MCM8: variants seen among roughly 807,000 people sequenced by gnomAD.
MCM8 encodes the protein minichromosome maintenance 8 homologous recombination repair factor.
Under a neutral mutation model 98.9 loss-of-function variants are expected in MCM8, and 85 were observed. The ratio of observed to expected loss-of-function variants is 0.86; its 90% CI spans 0.72 to 1.03. The LOEUF is 1.03. MCM8 is among the 50% of genes least tolerant of loss of function. The pLI, the probability that MCM8 is intolerant of heterozygous loss-of-function variation, is 0.00. For missense variants in MCM8, 951 were observed against 997.8 expected (o/e 0.95, Z 0.63); for synonymous variants, 352 against 338.6 (o/e 1.04, Z -0.44).
chr20:5,997,061 C>G lies in MCM8; in HGVS notation c.*2670C>G, dbSNP rs966236253. 2 of 152,406 alleles carry G rather than the reference C, an allele frequency of 1.3e-5. No homozygotes were observed. Among genetic ancestry groups the G allele is most frequent in the South Asian group, 2.1e-4 (1 of 4,832 alleles). The allele number at this position is 152,406 out of a possible 1,614,324, so 9.4% of individuals were successfully genotyped here. On this transcript the variant is annotated 3_prime_UTR_variant, in exon 19 of 19. Coordinates refer to ENST00000610722, the MANE Select transcript of MCM8 (RefSeq NM_032485.6). ...CCTCTTGGGAGATGAAAGTAATCTT[C>G]CATAGGCAATTGTTTCTGTGTCACC...
At chr20:5,978,081 T>C in intron 13 of MCM8, 64 bp downstream of exon 13, 1 of 1,571,154 alleles carries the variant, frequency 6.4e-7, no homozygotes, top group South Asian at 1.1e-5. Context: ...TCCTTTTCAG[T>C]TAATTTCTTT....
At chr20:5,955,274 CT>C (rs1215489945) in intron 5 of MCM8, 23 bp downstream of exon 5, 11 of 1,600,646 alleles carry the variant, frequency 6.9e-6, no homozygotes, top group Non-Finnish European at 8.5e-6. Flanking sequence ...CTTATGCATA[CT>C]TTTGTCTAAA....
At chr20:5,977,235 TG>T (rs2089530564) in intron 12 of MCM8, among the ~76,000 whole-genome samples, 1 of 152,244 alleles carries the variant, frequency 6.6e-6, no homozygotes, top group Non-Finnish European at 1.5e-5. Flanking sequence ...TGGGCACTTA[TG>T]TGCCAGGTAC....
intron 8 of MCM8, 107 bp downstream of exon 8, chr20:5,963,466 T>G: frequency 3.2e-6 from 2 of 625,530 alleles, no homozygotes; most frequent in South Asian, 4.1e-5. Context: ...AATGACAAAG[T>G]GTATAATAGT....
chr20:5,989,298 T>C (rs943470130), intron 17 of MCM8, among the ~76,000 whole-genome samples: 16 of 151,920 alleles, frequency 1.1e-4, no homozygotes, highest in African/African-American at 3.6e-4. Flanking sequence ...GTATTTTTAG[T>C]AGAGATGGGG....
At chr20:5,971,483 A>G (rs1016555281) in intron 10 of MCM8, among the ~76,000 whole-genome samples, 1 of 152,090 alleles carries the variant, frequency 6.6e-6, no homozygotes, top group Non-Finnish European at 1.5e-5. Flanking sequence ...GAGTTATCCC[A>G]CCTTTCTGGA....
chr20:5,963,202 T>G, intron 7 of MCM8, 72 bp from the exon 8 acceptor site: 1 of 1,158,848 alleles, frequency 8.6e-7, no homozygotes, highest in Non-Finnish European at 1.3e-6. Context: ...ATGAAATGTT[T>G]TAACTGAATT....
Position 5,967,840 on chromosome 20 carries a change from T to C in MCM8, c.1038T>C (p.Asn346=), listed in dbSNP as rs2089309701. The change falls in exon 10 of 19, where the codon AAT becomes AAC. Residue 346 remains asparagine, a synonymous_variant. Transcript: ENST00000610722. ...ACTTTTAATTTACAGGTTCTCGAAA[T>C]AAGAATGACAAGTGTATGTTCCTTT... ...KVSNAEEGSR[N]KNDKCMFLLY... The C allele has an allele frequency of 6.2e-7, 1 of 1,603,418 alleles. No homozygotes were observed. Among genetic ancestry groups the C allele is most frequent in the Non-Finnish European group, 8.5e-7 (1 of 1,175,764 alleles).
At chr20:5,990,241 A>G (rs1484864984) in intron 17 of MCM8, among the ~76,000 whole-genome samples, 5 of 151,934 alleles carry the variant, frequency 3.3e-5, no homozygotes, top group Non-Finnish European at 5.9e-5. Flanking sequence ...CGCCCAGCTA[A>G]TTTTTTTGTA....
Position 5,967,443 on chromosome 20 carries a change from G to T in MCM8, c.883G>T (p.Glu295Ter). ...ACTATTTAAACTTTTTAGAATCCAG[G>T]AATTGATGTCTGATGATCAGAGAGA... The part of the protein sequence containing the change: ...TMDWQSIKIQ[E>*]LMSDDQREAG... Residue 295 changes from glutamate (E) to a stop codon, truncating the protein, a stop_gained, in exon 9 of 19, where the codon GAA becomes TAA. Coordinates refer to ENST00000610722, the MANE Select transcript of MCM8 (RefSeq NM_032485.6). LOFTEE classifies it high-confidence loss of function. 6.2e-7 allele frequency: 1 copy of T among 1,612,488 alleles called. No homozygotes were observed. The highest frequency in any genetic ancestry group is 1.1e-5 in the South Asian group (1 of 90,694).
At chr20:5,971,100 G>GA (rs2089392273) in intron 10 of MCM8, among the ~76,000 whole-genome samples, 1 of 152,098 alleles carries the variant, frequency 6.6e-6, no homozygotes, top group Non-Finnish European at 1.5e-5. Flanking sequence ...TTACAGGCAT[G>GA]AACCTGTAAA....
chr20:5,963,436 T>C (rs564593837), intron 8 of MCM8, 77 bp downstream of exon 8: 1 of 1,034,600 alleles, frequency 9.7e-7, no homozygotes, highest in East Asian at 2.4e-5. Flanking sequence ...TTTACTGTAT[T>C]ATATTGTACG....
chr20:5,963,886 AT>A (rs1211542585), intron 8 of MCM8, among the ~76,000 whole-genome samples: 1 of 152,224 alleles, frequency 6.6e-6, no homozygotes, highest in Admixed American at 6.5e-5. Context: ...GAAAGGATTC[AT>A]TATGCAAATA....
chr20:5,975,128 G>A (rs1342242930), intron 12 of MCM8, among the ~76,000 whole-genome samples: 12 of 152,248 alleles, frequency 7.9e-5, no homozygotes, highest in East Asian at 7.7e-4. Flanking sequence ...GCATGGTGGC[G>A]CACACCTGTA....
rs58310169 is a variant in MCM8 at position 5,957,364 on chromosome 20, A to G, written c.590+135A>G. 1.0e-2 allele frequency: 5,692 copies of G among 571,114 alleles called. 167 individuals are homozygous for G. Among genetic ancestry groups the G allele is most frequent in the African/African-American group, 0.075 (3,968 of 52,566 alleles). The allele number at this position is 571,114 out of a possible 1,614,324, so 35.4% of individuals were successfully genotyped here. The stretch of plus-strand genomic sequence containing the variant: ...GTTCCTTGCCATCTCATTGATCATC[A>G]CACTGAAATAAACTCATTGAAAATT... On this transcript the variant is annotated intron_variant, in intron 6 of 18. Coordinates refer to ENST00000610722, the MANE Select transcript of MCM8 (RefSeq NM_032485.6).
intron 16 of MCM8, 69 bp from the exon 17 acceptor site, chr20:5,987,213 T>G: frequency 6.9e-7 from 1 of 1,449,346 alleles, no homozygotes; most frequent in African/African-American, 1.4e-5. Context: ...GTAAATGAAG[T>G]AAAGCTTAGA....
chr20:5,963,490 T>G (rs1050128850), intron 8 of MCM8, 131 bp downstream of exon 8: 16 of 582,020 alleles, frequency 2.7e-5, no homozygotes, highest in Admixed American at 6.1e-5. Context: ...TAATAGATGG[T>G]TTATTTGATG....
At chr20:5,954,463 A>G (rs1433521929) in intron 3 of MCM8, 145 bp from the exon 4 acceptor site, 7 of 514,520 alleles carry the variant, frequency 1.4e-5, no homozygotes, top group Non-Finnish European at 2.4e-5. Flanking sequence ...TTTACATTCT[A>G]TACTAGTTCT....
intron 13 of MCM8, among the ~76,000 whole-genome samples, chr20:5,979,474 T>G (rs961994014): frequency 1.1e-4 from 17 of 152,232 alleles, no homozygotes; most frequent in African/African-American, 3.9e-4. Flanking sequence ...TTTCTCAAAC[T>G]TAACATGTCT....
Sources: gnomAD v4.1 joint callset for allele counts (sites outside exome capture counted in the v4.1 genomes callset) on GRCh38, gnomAD v4.1.1 for gene constraint, MANE v1.5 for transcripts, NCBI Gene and HGNC (gene_info 2026-07-23, HGNC 2026-07-21) for gene names.